Variants in CYP2C19 observed in about 807,000 individuals in gnomAD.
The protein encoded by CYP2C19 is cytochrome P450 family 2 subfamily C member 19.
CYP2C19 carries 59 observed loss-of-function variants against 40.9 expected under a neutral mutation model. The ratio of observed to expected loss-of-function variants is 1.44; its 90% CI spans 1.17 to 1.79. The LOEUF is 1.79. CYP2C19 is among the 40% of genes most tolerant of loss of function. The probability of loss-of-function intolerance (pLI) is 0.00; values close to 1 mark genes in which losing one functional copy is unlikely to be tolerated. For missense variants in CYP2C19, 754 were observed against 596.9 expected, an observed-to-expected ratio of 1.26 and a Z score of -2.74; for synonymous variants, 253 against 208.7, an observed-to-expected ratio of 1.21 and a Z score of -1.83.
intron 3 of CYP2C19, among the ~76,000 whole-genome samples, chr10:94,777,979 A>C (rs917566692): frequency 6.6e-6 from 1 of 151,718 alleles, no homozygotes; most frequent in Admixed American, 6.6e-5. Context: ...ACAAAAAAAA[A>C]CTGCTGGGTC....
intron 5 of CYP2C19, among the ~76,000 whole-genome samples, chr10:94,790,121 T>A (rs1389876224): frequency 6.6e-6 from 1 of 150,904 alleles, no homozygotes; most frequent in Non-Finnish European, 1.5e-5. Flanking sequence ...GAATGGGAGT[T>A]CACTCATGAT....
chr10:94,822,593 G>T (rs1420093347), intron 6 of CYP2C19, among the ~76,000 whole-genome samples: 1 of 152,144 alleles, frequency 6.6e-6, no homozygotes, highest in African/African-American at 2.4e-5. Context: ...ATACTCAATA[G>T]TTGGATTGCT....
intron 5 of CYP2C19, among the ~76,000 whole-genome samples, chr10:94,792,024 C>G (rs556918926): frequency 8.5e-5 from 13 of 152,104 alleles, no homozygotes; most frequent in Non-Finnish European, 1.8e-4. Flanking sequence ...CTCTAAGGAC[C>G]TGTTTTATGA....
At chr10:94,817,982 C>T (rs1589366017) in intron 5 of CYP2C19, among the ~76,000 whole-genome samples, 1 of 140,568 alleles carries the variant, frequency 7.1e-6, no homozygotes. Flanking sequence ...CACTGCACTC[C>T]AGCCTGGGCG....
At chr10:94,827,922 C>A (rs1266564155) in intron 6 of CYP2C19, among the ~76,000 whole-genome samples, 1 of 151,658 alleles carries the variant, frequency 6.6e-6, no homozygotes, top group Admixed American at 6.6e-5. Flanking sequence ...TCGTTATGTA[C>A]CCAGTAGTCA....
rs541691813 is a variant in CYP2C19, at chr10:94,768,832, TG to T, written c.168+5962del. Reference sequence around the variant, plus strand: ...GTGACGTATAAAGAGTTTTGTCCTGTGGGAAGGCTTAAAGCTGAAGCTTGTA... The same window carrying T: ...GTGACGTATAAAGAGTTTTGTCCTGTGGAAGGCTTAAAGCTGAAGCTTGTA... On this transcript the variant is annotated intron_variant, in intron 1 of 8. Transcript: ENST00000371321. Among the ~76,000 whole-genome samples, 474 of 152,246 alleles carry T rather than the reference TG, an allele frequency of 3.1e-3. 3 individuals carry two copies. The highest frequency in any genetic ancestry group is 0.011 in the African/African-American group (451 of 41,556).
At chr10:94,774,790 T>C (rs1589818941) in intron 1 of CYP2C19, 2 of 434,604 alleles carry the variant, frequency 4.6e-6, no homozygotes, top group South Asian at 2.9e-5. Flanking sequence ...TTGTTTAAAA[T>C]AGAGCAAATA....
At chr10:94,801,465 T>C (rs896809609) in intron 5 of CYP2C19, among the ~76,000 whole-genome samples, 6 of 152,222 alleles carry the variant, frequency 3.9e-5, no homozygotes, top group African/African-American at 1.4e-4. Flanking sequence ...AGACTGTTTG[T>C]TATGACTTCC....
intron 5 of CYP2C19, among the ~76,000 whole-genome samples, chr10:94,797,015 C>T (rs559939784): frequency 6.6e-6 from 1 of 152,106 alleles, no homozygotes; most frequent in South Asian, 2.1e-4. Flanking sequence ...CCGGCGAGAA[C>T]TTCCAACACT....
intron 6 of CYP2C19, among the ~76,000 whole-genome samples, chr10:94,826,070 A>G (rs1589369348): frequency 2.0e-5 from 3 of 151,628 alleles, no homozygotes; most frequent in Non-Finnish European, 4.4e-5. Context: ...GCCTTGTAGT[A>G]TAGTTTGAAG....
chr10:94,828,721 T>G (rs377724821), intron 6 of CYP2C19, among the ~76,000 whole-genome samples: 1 of 151,786 alleles, frequency 6.6e-6, no homozygotes, highest in Non-Finnish European at 1.5e-5. Flanking sequence ...GTTAGCTGGT[T>G]ATTTTGCTCG....
At chr10:94,830,799 T>C (rs1407338735) in intron 6 of CYP2C19, among the ~76,000 whole-genome samples, 1 of 152,214 alleles carries the variant, frequency 6.6e-6, no homozygotes, top group Non-Finnish European at 1.5e-5. Flanking sequence ...TATATATTAA[T>C]ATGTTTGTGG....
chr10:94,772,805 C>A (rs143048816), intron 1 of CYP2C19, among the ~76,000 whole-genome samples: 3 of 152,176 alleles, frequency 2.0e-5, no homozygotes, highest in East Asian at 1.9e-4. Context: ...GACGGAGTCT[C>A]GCTCTGTCGC....
At chr10:94,846,449 C>A (rs1281001840) in intron 7 of CYP2C19, among the ~76,000 whole-genome samples, 4 of 152,114 alleles carry the variant, frequency 2.6e-5, no homozygotes, top group Admixed American at 2.6e-4. Flanking sequence ...TTGGAATCTG[C>A]CAGATCTCTC....
intron 5 of CYP2C19, among the ~76,000 whole-genome samples, chr10:94,792,733 T>C (rs1388558743): frequency 6.6e-6 from 1 of 152,338 alleles, no homozygotes; most frequent in East Asian, 1.9e-4. Context: ...GCTGTTAGTC[T>C]GATGGGCTTC....
rs578190576 is a variant in CYP2C19, at chr10:94,854,556, A to T, written c.*1642A>T. On this transcript the variant is annotated 3_prime_UTR_variant, in exon 9 of 9. Transcript: ENST00000371321. The stretch of plus-strand genomic sequence containing the variant: ...AGTAACATAATTGATTATGCTTTTC[A>T]CAGCTCATCTCCTAGAACAAGCTAC... Among the ~76,000 whole-genome samples the T allele has an allele frequency of 6.6e-6, 1 of 152,156 alleles. No homozygotes were observed. Among genetic ancestry groups the T allele is most frequent in the South Asian group, 2.1e-4 (1 of 4,824 alleles).
At chr10:94,801,478 T>C (rs1359682321) in intron 5 of CYP2C19, among the ~76,000 whole-genome samples, 2 of 152,238 alleles carry the variant, frequency 1.3e-5, no homozygotes, top group Non-Finnish European at 2.9e-5. Flanking sequence ...TGACTTCCAT[T>C]CTTTTCATTT....
At chr10:94,845,430 A>G (rs1474413702) in intron 7 of CYP2C19, among the ~76,000 whole-genome samples, 7 of 152,204 alleles carry the variant, frequency 4.6e-5, no homozygotes, top group Non-Finnish European at 2.9e-5. Context: ...AACAGGTGGC[A>G]GGATGGACTT....
At chr10:94,823,125 A>G (rs1018853875) in intron 6 of CYP2C19, among the ~76,000 whole-genome samples, 3 of 152,162 alleles carry the variant, frequency 2.0e-5, no homozygotes, top group African/African-American at 7.2e-5. Context: ...AGGAAAATTT[A>G]TCAAGGAGAA....
Sources: allele counts gnomAD v4.1 joint callset (sites outside exome capture counted in the v4.1 genomes callset), GRCh38; gene constraint gnomAD v4.1.1; transcripts MANE v1.5; gene names NCBI Gene and HGNC (gene_info 2026-07-23, HGNC 2026-07-21).